Variants in VCF2 observed in about 807,000 individuals in gnomAD.
VCF2 encodes the protein protein VCF2.
the VCF2 span, among the ~76,000 whole-genome samples, chrX:55,149,837 T>C: frequency 8.9e-6 from 1 of 112,343 alleles, no homozygotes; most frequent in African/African-American, 3.2e-5. Flanking sequence ...CCTCATGTTG[T>C]CTTTATGAAA....
At chrX:55,151,674 A>G in the VCF2 span, among the ~76,000 whole-genome samples, 1 of 111,869 alleles carries the variant, frequency 8.9e-6, no homozygotes, top group African/African-American at 3.2e-5. Flanking sequence ...GAGAGAAAAA[A>G]TATGTTTCAA....
At chrX:55,151,007 C>A in the VCF2 span, among the ~76,000 whole-genome samples, 1 of 112,297 alleles carries the variant, frequency 8.9e-6, no homozygotes, top group Non-Finnish European at 1.9e-5. Flanking sequence ...TCCAGAAAAC[C>A]ATTTTTCTTT....
the VCF2 span, among the ~76,000 whole-genome samples, chrX:55,158,602 G>C: frequency 9.0e-6 from 1 of 111,660 alleles, no homozygotes; most frequent in South Asian, 3.7e-4. Context: ...CAATTACCCT[G>C]ATTTGGTCAT....
the VCF2 span, chrX:55,145,250 T>A: frequency 1.5e-6 from 1 of 661,103 alleles, no homozygotes; most frequent in Non-Finnish European, 1.8e-6. Flanking sequence ...ATTAACTCTA[T>A]ACATAATAGA....
the VCF2 span, chrX:55,143,299 G>A: frequency 8.9e-6 from 1 of 112,101 alleles, no homozygotes; most frequent in African/African-American, 3.3e-5. Flanking sequence ...AGATCTTGAG[G>A]AAAACTGGAA....
the VCF2 span, among the ~76,000 whole-genome samples, chrX:55,144,594 G>C: frequency 9.1e-6 from 1 of 109,754 alleles, no homozygotes; most frequent in Non-Finnish European, 1.9e-5. Flanking sequence ...ATGAAAATGT[G>C]TGTGTGTGTG....
chrX:55,149,041 C>G, the VCF2 span, among the ~76,000 whole-genome samples: 2 of 111,791 alleles, frequency 1.8e-5, no homozygotes, highest in African/African-American at 3.2e-5. Flanking sequence ...GTCCATGAAT[C>G]TGAAAATTTT....
chrX:55,161,130 A>C, the VCF2 span: 1 of 1,208,818 alleles, frequency 8.3e-7, no homozygotes, highest in Non-Finnish European at 1.1e-6. Context: ...GGCCCCGACG[A>C]ACTTACCGTA....
the VCF2 span, among the ~76,000 whole-genome samples, chrX:55,154,853 A>G: frequency 8.9e-6 from 1 of 112,488 alleles, no homozygotes; most frequent in Non-Finnish European, 1.9e-5. Context: ...CTATTATACA[A>G]TGTATAAGAA....
At chrX:55,152,174 A>C in the VCF2 span, among the ~76,000 whole-genome samples, 2 of 111,379 alleles carry the variant, frequency 1.8e-5, no homozygotes, top group East Asian at 5.6e-4. Flanking sequence ...TACAGGCGTG[A>C]GCCACCGTGC....
the VCF2 span, among the ~76,000 whole-genome samples, chrX:55,150,805 G>A: frequency 6.3e-5 from 7 of 111,343 alleles, no homozygotes; most frequent in South Asian, 2.7e-3. Context: ...TAGAATAGAG[G>A]AAAAACTTCC....
At chrX:55,155,869 C>T in the VCF2 span, among the ~76,000 whole-genome samples, 2 of 109,266 alleles carry the variant, frequency 1.8e-5, no homozygotes, top group African/African-American at 6.7e-5. Context: ...TGCATGTATT[C>T]ATGATATAAA....
At chrX:55,145,149 G>T in the VCF2 span, 2 of 180,981 alleles carry the variant, frequency 1.1e-5, no homozygotes, top group Non-Finnish European at 1.7e-5. Flanking sequence ...CTGGGAAAGG[G>T]TCTATGTAGC....
the VCF2 span, chrX:55,145,778 T>C: frequency 2.5e-6 from 2 of 798,926 alleles, no homozygotes; most frequent in African/African-American, 2.2e-5. Flanking sequence ...TGGAAATCAA[T>C]CTGAATTGGA....
chrX:55,153,064 T>C, the VCF2 span, among the ~76,000 whole-genome samples: 1 of 112,053 alleles, frequency 8.9e-6, no homozygotes, highest in Non-Finnish European at 1.9e-5. Flanking sequence ...CTTCAAATTG[T>C]CTCGTCTTTC....
chrX:55,156,165 G>A, the VCF2 span, among the ~76,000 whole-genome samples: 1 of 110,737 alleles, frequency 9.0e-6, no homozygotes, highest in Non-Finnish European at 1.9e-5. Context: ...TATTGGCCAG[G>A]CTAGTCTTGA....
chrX:55,149,446 C>T, the VCF2 span, among the ~76,000 whole-genome samples: 1 of 111,471 alleles, frequency 9.0e-6, no homozygotes, highest in African/African-American at 3.3e-5. Flanking sequence ...AAAGCCTTAT[C>T]TTCAGACCCA....
the VCF2 span, among the ~76,000 whole-genome samples, chrX:55,158,431 G>A: frequency 9.0e-6 from 1 of 111,102 alleles, no homozygotes; most frequent in African/African-American, 3.3e-5. Context: ...TTGGCTAAGG[G>A]GTATAAAATA....
the VCF2 span, among the ~76,000 whole-genome samples, chrX:55,151,051 T>C: frequency 8.9e-6 from 1 of 112,753 alleles, no homozygotes; most frequent in African/African-American, 3.2e-5. Context: ...TTGGGTTAAC[T>C]ATGTTAGTGT....
Sources: allele counts gnomAD v4.1 joint callset (sites outside exome capture counted in the v4.1 genomes callset), GRCh38; gene constraint gnomAD v4.1.1; transcripts MANE v1.5; gene names NCBI Gene and HGNC (gene_info 2026-07-23, HGNC 2026-07-21).